The following ANKHD1 variants were observed in gnomAD, a reference collection of about 807,000 sequenced individuals.
ANKHD1 encodes ankyrin repeat and KH domain-containing protein 1.
Under a neutral mutation model 230.5 loss-of-function variants are expected in ANKHD1, and 31 were observed. That is an observed-to-expected ratio of 0.13 (90% confidence interval 0.10 to 0.18). ANKHD1 has a LOEUF of 0.18. ANKHD1 is among the 10% of genes least tolerant of loss of function. The pLI, the probability that ANKHD1 is intolerant of heterozygous loss-of-function variation, is 1.00. For missense variants in ANKHD1, 2,256 were observed against 3,071.3 expected (o/e 0.73, Z 6.27); for synonymous variants, 1,074 against 1,117.6 (o/e 0.96, Z 0.78).
chr5:140,412,449 C>T (rs1410281476), intron 1 of ANKHD1, among the ~76,000 whole-genome samples: 3 of 152,138 alleles, frequency 2.0e-5, no homozygotes, highest in Non-Finnish European at 4.4e-5. Flanking sequence ...TGAGCTACCA[C>T]GCCTGGCCGG....
intron 5 of ANKHD1, among the ~76,000 whole-genome samples, chr5:140,444,562 G>A (rs1774127341): frequency 6.6e-6 from 1 of 152,080 alleles, no homozygotes. Context: ...AATGCATTTT[G>A]TTTGATGCCA....
At chr5:140,496,462 T>G in intron 14 of ANKHD1, 58 bp from the exon 15 acceptor site, 25 of 217,156 alleles carry the variant, frequency 1.2e-4, no homozygotes, top group East Asian at 3.2e-4. Flanking sequence ...TTTTCTTTTC[T>G]TTTTTTTTTT....
At chr5:140,505,527 C>T (rs990141483) in intron 17 of ANKHD1, among the ~76,000 whole-genome samples, 197 bp from the exon 18 acceptor site, 6 of 151,944 alleles carry the variant, frequency 3.9e-5, no homozygotes, top group Admixed American at 2.0e-4. Flanking sequence ...TAATTTTTAC[C>T]GACTTAGTTT....
intron 14 of ANKHD1, among the ~76,000 whole-genome samples, chr5:140,491,093 TA>T (rs1751755631): frequency 4.7e-5 from 1 of 21,096 alleles, no homozygotes; most frequent in Non-Finnish European, 1.6e-4. Flanking sequence ...TGTGTGTGTG[TA>T]TATATATATA....
chr5:140,509,684 G>T lies in ANKHD1; in HGVS notation c.3813G>T (p.Glu1271Asp). The change falls in exon 21 of 34, where the codon GAG (glutamate) becomes GAT (aspartate). Residue 1271 changes from glutamate (E) to aspartate (D), a missense_variant. Glu to Asp is a conservative substitution (Grantham distance 45). Around this residue, in one of 13 missense-constraint regions of ANKHD1, gnomAD observed 195 missense variants for 340.3 expected, o/e 0.57. Coordinates refer to ENST00000360839, the MANE Select transcript of ANKHD1 (RefSeq NM_017747.3). ...AAGCAGCTTCTGGAGGGTATGCAGAGGTTGGAAGAGTTCTTCTTGATAAAG... is the reference window on the plus strand; with the variant it reads ...AAGCAGCTTCTGGAGGGTATGCAGATGTTGGAAGAGTTCTTCTTGATAAAG... The part of the protein sequence containing the change: ...LMEAASGGYA[E>D]VGRVLLDKGA... The T allele has an allele frequency of 6.2e-7, 1 of 1,612,272 alleles. No individual in the cohort carries two copies. The highest frequency in any genetic ancestry group is 8.5e-7 in the Non-Finnish European group (1 of 1,179,382).
chr5:140,402,188 C>A lies in ANKHD1; in HGVS notation c.221C>A (p.Ala74Glu). The A allele has an allele frequency of 6.6e-7, 1 of 1,523,036 alleles. No homozygotes were observed. Among genetic ancestry groups the A allele is most frequent in the Non-Finnish European group, 8.8e-7 (1 of 1,139,996 alleles). The allele number at this position is 1,523,036 out of a possible 1,614,324, so 94.3% of individuals were successfully genotyped here. The change falls in exon 1 of 34, where the codon GCG becomes GAG. Residue 74 changes from alanine (A) to glutamate (E), a missense_variant. Around this residue, in one of 13 missense-constraint regions of ANKHD1, gnomAD observed 193 missense variants for 185.8 expected, o/e 1.04. Transcript: ENST00000360839. ...SGSGTGGGDA[A>E]LDFKLAAAVL... The stretch of plus-strand genomic sequence containing the variant: ...AGCGGTACGGGCGGAGGGGACGCGG[C>A]GCTGGATTTCAAGTTGGCGGCTGCC...
At chr5:140,478,357 CTT>C (rs1751079314) in intron 10 of ANKHD1, among the ~76,000 whole-genome samples, 1 of 145,604 alleles carries the variant, frequency 6.9e-6, no homozygotes, top group Non-Finnish European at 1.5e-5. Flanking sequence ...GCTTTTCTTT[CTT>C]TTTCTTTTTT....
At chr5:140,458,373 C>T (rs1775379481) in intron 7 of ANKHD1, among the ~76,000 whole-genome samples, 1 of 152,042 alleles carries the variant, frequency 6.6e-6, no homozygotes, top group Non-Finnish European at 1.5e-5. Context: ...GTCACCAAGT[C>T]TCATTCTTTT....
At chr5:140,532,093 G>C (rs746059529) in intron 29 of ANKHD1, among the ~76,000 whole-genome samples, 2 of 151,806 alleles carry the variant, frequency 1.3e-5, no homozygotes, top group Admixed American at 6.6e-5. Flanking sequence ...TGTAGTCCCA[G>C]CTACTCAGGA....
intron 1 of ANKHD1, among the ~76,000 whole-genome samples, chr5:140,407,367 G>T (rs1009165991): frequency 8.6e-5 from 13 of 151,520 alleles, no homozygotes; most frequent in Non-Finnish European, 1.5e-5. Context: ...TTGAGATTAG[G>T]ATTACAGGTG....
intron 24 of ANKHD1, among the ~76,000 whole-genome samples, chr5:140,521,499 A>T (rs529138460): frequency 6.6e-6 from 1 of 152,146 alleles, no homozygotes; most frequent in African/African-American, 2.4e-5. Context: ...AATAAATTCT[A>T]TAAATAGGAA....
At chr5:140,407,106 C>CTT (rs141346668) in intron 1 of ANKHD1, among the ~76,000 whole-genome samples, 8,671 of 151,964 alleles carry the variant, frequency 0.057, 355 homozygotes, top group Middle Eastern at 0.092. Flanking sequence ...ACCAGCCAGA[C>CTT]CAACATGGTG....
intron 1 of ANKHD1, among the ~76,000 whole-genome samples, chr5:140,426,834 C>A (rs1013271896): frequency 2.0e-5 from 3 of 152,230 alleles, no homozygotes; most frequent in African/African-American, 7.2e-5. Flanking sequence ...GGGTTGGGGG[C>A]AAGGTCACAG....
chr5:140,539,275 A>T, intron 33 of ANKHD1, 84 bp from the exon 34 acceptor site: 1 of 1,597,086 alleles, frequency 6.3e-7, no homozygotes, highest in African/African-American at 1.3e-5. Flanking sequence ...AGAAACAGTG[A>T]ATTGCCATTG....
chr5:140,441,830 A>G (rs1370974197), intron 5 of ANKHD1, among the ~76,000 whole-genome samples: 1 of 152,044 alleles, frequency 6.6e-6, no homozygotes, highest in Non-Finnish European at 1.5e-5. Context: ...GTTCTATAGT[A>G]ACCATTTTAC....
chr5:140,486,254 G>A (rs944271547), intron 13 of ANKHD1, among the ~76,000 whole-genome samples: 1 of 151,996 alleles, frequency 6.6e-6, no homozygotes, highest in Admixed American at 6.6e-5. Flanking sequence ...TAGTGGAGAT[G>A]GAGTTTCACC....
intron 10 of ANKHD1, among the ~76,000 whole-genome samples, chr5:140,481,452 A>G (rs1177800693): frequency 6.6e-6 from 1 of 152,090 alleles, no homozygotes; most frequent in African/African-American, 2.4e-5. Context: ...AGTAGTTTTT[A>G]AAGTAGGTTT....
intron 1 of ANKHD1, among the ~76,000 whole-genome samples, chr5:140,419,800 T>C (rs572078275): frequency 2.5e-4 from 22 of 88,904 alleles, no homozygotes; most frequent in South Asian, 1.3e-3. Context: ...CTTTCTTTCT[T>C]TCTTTCTTTC....
At chr5:140,402,785 G>A (rs916962629) in intron 1 of ANKHD1, among the ~76,000 whole-genome samples, 2 of 152,066 alleles carry the variant, frequency 1.3e-5, no homozygotes, top group Non-Finnish European at 2.9e-5. Context: ...ACAGGTTTGA[G>A]TATTAGGGAT....
Sources: gnomAD v4.1 joint callset for allele counts (sites outside exome capture counted in the v4.1 genomes callset) on GRCh38, gnomAD v4.1.1 for gene constraint, gnomAD v4.1.1 regional missense constraint, MANE v1.5 for transcripts, NCBI Gene and HGNC (gene_info 2026-07-23, HGNC 2026-07-21) for gene names.